Variants in STAU1 observed in about 807,000 individuals in gnomAD.
The protein encoded by STAU1 is staufen double-stranded RNA binding protein 1.
STAU1 carries 13 observed loss-of-function variants against 62.9 expected under a neutral mutation model. That is an observed-to-expected ratio of 0.21 (90% CI 0.13 to 0.33). The LOEUF is 0.33. Ranked by LOEUF, STAU1 falls within the 10% of genes least tolerant of loss-of-function variation. The pLI is 1.00. For synonymous variants in STAU1, 269 were observed against 265.1 expected, an observed-to-expected ratio of 1.01 and a Z score of -0.14; for missense variants, 571 against 712.1, an observed-to-expected ratio of 0.80 and a Z score of 2.25.
intron 5 of STAU1, among the ~76,000 whole-genome samples, chr20:49,149,693 C>G (rs1189480712): frequency 6.6e-6 from 1 of 152,160 alleles, no homozygotes; most frequent in Non-Finnish European, 1.5e-5. Context: ...TTAGTTACAG[C>G]CTCATTTTCT....
chr20:49,177,805 A>AAG (rs199515885), intron 1 of STAU1, among the ~76,000 whole-genome samples: 1 of 151,378 alleles, frequency 6.6e-6, no homozygotes, highest in Admixed American at 6.6e-5. Flanking sequence ...GCAAAGAAAG[A>AAG]AGAGAGAGAG....
At chr20:49,164,800 A>T (rs1376873353) in intron 3 of STAU1, among the ~76,000 whole-genome samples, 2 of 152,130 alleles carry the variant, frequency 1.3e-5, no homozygotes, top group African/African-American at 4.8e-5. Context: ...AAGAGAAAAA[A>T]AACTCTGCTT....
chr20:49,151,384 T>C (rs1373656709), intron 5 of STAU1, among the ~76,000 whole-genome samples, 198 bp downstream of exon 5: 1 of 152,236 alleles, frequency 6.6e-6, no homozygotes, highest in Non-Finnish European at 1.5e-5. Flanking sequence ...GGCAACTGAC[T>C]TTCTTGTTAA....
intron 6 of STAU1, among the ~76,000 whole-genome samples, chr20:49,131,952 A>C (rs1346081865): frequency 2.6e-5 from 4 of 152,114 alleles, no homozygotes; most frequent in African/African-American, 9.7e-5. Flanking sequence ...TGTAACTTTT[A>C]GATAGATTTG....
Position 49,154,121 on chromosome 20 carries a change from T to C in STAU1, c.206-50A>G, listed in dbSNP as rs2093316428. On this transcript the variant is annotated intron_variant, in intron 3 of 13. Coordinates refer to ENST00000371856, the MANE Select transcript of STAU1 (RefSeq NM_017453.4). The stretch of plus-strand genomic sequence containing the variant: ...CTGTTTTTTTCTGGTATGAGAATGA[T>C]ACTCACTAAAATAAAATGTAATAGC... 26 of 1,537,482 alleles carry C rather than the reference T, an allele frequency of 1.7e-5. No homozygotes were observed. The African/African-American group carries it at 2.7e-4, about 16-fold the overall frequency.
chr20:49,172,505 T>C (rs1445599099), intron 2 of STAU1, among the ~76,000 whole-genome samples: 1 of 152,224 alleles, frequency 6.6e-6, no homozygotes, highest in Non-Finnish European at 1.5e-5. Context: ...CTGTGTGATA[T>C]TTTCTTGACT....
At chr20:49,205,865 G>A in the STAU1 span, among the ~76,000 whole-genome samples, 1 of 150,028 alleles carries the variant, frequency 6.7e-6, no homozygotes, top group Non-Finnish European at 1.5e-5. Flanking sequence ...GTAGAGACGG[G>A]GTTTCTCCAT....
At chr20:49,204,341 A>T in the STAU1 span, among the ~76,000 whole-genome samples, 2 of 151,700 alleles carry the variant, frequency 1.3e-5, no homozygotes, top group Admixed American at 1.3e-4. Flanking sequence ...GCATCATGTT[A>T]TCTGAATTCT....
Position 49,117,491 on chromosome 20 carries a change from G to A in STAU1, c.1510-243C>T, listed in dbSNP as rs1568813571. On this transcript the variant is annotated intron_variant, in intron 11 of 13. Coordinates refer to ENST00000371856, the MANE Select transcript of STAU1 (RefSeq NM_017453.4). The surrounding 1 kb of genome is among the most constrained non-coding windows in gnomAD (Gnocchi z 4.6). ...ACCAGACAGAAAGTGTCAGCACGAT[G>A]AGTCTGTTCTTTGAAATCCAAATTT... 6.6e-6 allele frequency among the ~76,000 whole-genome samples: 1 copy of A among 152,194 alleles called. No homozygotes were observed. Among genetic ancestry groups the A allele is most frequent in the Non-Finnish European group, 1.5e-5 (1 of 68,036 alleles).
At chr20:49,208,513 G>A in the STAU1 span, among the ~76,000 whole-genome samples, 1 of 150,382 alleles carries the variant, frequency 6.6e-6, no homozygotes, top group African/African-American at 2.4e-5. Context: ...CAAGAAAATT[G>A]TATTGCCTGA....
the STAU1 span, among the ~76,000 whole-genome samples, chr20:49,209,457 AAGG>A: frequency 6.6e-6 from 1 of 151,360 alleles, no homozygotes; most frequent in African/African-American, 2.4e-5. Context: ...AAAAAAAAAA[AAGG>A]AAGGCCAGAC....
chr20:49,194,390 T>C, the STAU1 span, among the ~76,000 whole-genome samples: 24 of 142,574 alleles, frequency 1.7e-4, no homozygotes, highest in African/African-American at 6.1e-4. Context: ...AATCGTGCCA[T>C]TGCACTCTAG....
At chr20:49,170,687 G>A (rs80149094) in intron 2 of STAU1, among the ~76,000 whole-genome samples, 738 of 151,746 alleles carry the variant, frequency 4.9e-3, no homozygotes, top group Non-Finnish European at 7.9e-3. Context: ...TTTTTAAACC[G>A]GATTAACACA....
chr20:49,166,325 TAG>T, intron 2 of STAU1, 40 bp from the exon 3 acceptor site: 1 of 804,272 alleles, frequency 1.2e-6, no homozygotes, highest in Non-Finnish European at 1.9e-6. Flanking sequence ...AGGTAAATTA[TAG>T]AGGAGATATG....
At chr20:49,150,771 C>G (rs1402308721) in intron 5 of STAU1, among the ~76,000 whole-genome samples, 1 of 152,098 alleles carries the variant, frequency 6.6e-6, no homozygotes, top group Non-Finnish European at 1.5e-5. Context: ...GATTTCTGAG[C>G]CTAAGCCTTA....
chr20:49,197,964 C>T, the STAU1 span, among the ~76,000 whole-genome samples: 1 of 152,148 alleles, frequency 6.6e-6, no homozygotes, highest in African/African-American at 2.4e-5. Context: ...TGGCCTCAGC[C>T]TACCAAAAGT....
At chr20:49,119,893 C>T (rs2092424027) in intron 9 of STAU1, 89 bp downstream of exon 9, 1 of 1,473,976 alleles carries the variant, frequency 6.8e-7, no homozygotes, top group East Asian at 2.3e-5. Flanking sequence ...CAGATAAAGC[C>T]TTGCCTTGAA....
chr20:49,180,533 A>C (rs914193327), intron 1 of STAU1, among the ~76,000 whole-genome samples: 1 of 152,320 alleles, frequency 6.6e-6, no homozygotes, highest in Non-Finnish European at 1.5e-5. Flanking sequence ...CATGTTGGCC[A>C]GGCTGGTCTC....
At chr20:49,138,050 C>T (rs893480716) in intron 5 of STAU1, among the ~76,000 whole-genome samples, 5 of 152,012 alleles carry the variant, frequency 3.3e-5, no homozygotes, top group Non-Finnish European at 5.9e-5. Flanking sequence ...TTTTTAAGGA[C>T]AAGGTGGGTG....
Sources: gnomAD v4.1 joint callset for allele counts (sites outside exome capture counted in the v4.1 genomes callset) on GRCh38, gnomAD v4.1.1 for gene constraint, Gnocchi (gnomAD v3.1) non-coding constraint, MANE v1.5 for transcripts, NCBI Gene and HGNC (gene_info 2026-07-23, HGNC 2026-07-21) for gene names.